Variants in DDC observed in about 807,000 individuals in gnomAD.
The protein encoded by DDC is dopa decarboxylase.
In DDC, 43 loss-of-function variants were observed where a neutral mutation model predicts 60.0. The observed-to-expected ratio is 0.72, with a 90% CI of 0.56 to 0.92. The LOEUF (loss-of-function observed/expected upper bound fraction) is 0.92, where lower values mean the gene tolerates loss of function less well. Among genes scored for constraint, DDC ranks in the 40% least tolerant of loss-of-function variants. The pLI, the probability that DDC is intolerant of heterozygous loss-of-function variation, is 0.00. For synonymous variants in DDC, 232 were observed against 234.6 expected (o/e 0.99, Z 0.10); for missense variants, 573 against 620.2 (o/e 0.92, Z 0.81).
intron 6 of DDC, among the ~76,000 whole-genome samples, chr7:50,512,527 C>T (rs1453836725): frequency 6.6e-6 from 1 of 152,216 alleles, no homozygotes; most frequent in Non-Finnish European, 1.5e-5. Context: ...ACCTACCCAT[C>T]CACCACCCCC....
At chr7:50,476,457 G>T (rs749635939) in intron 11 of DDC, among the ~76,000 whole-genome samples, 167 bp downstream of exon 11, 9 of 152,172 alleles carry the variant, frequency 5.9e-5, no homozygotes, top group African/African-American at 9.7e-5. Flanking sequence ...CAGCAGAGCT[G>T]CCCGCCACCT....
chr7:50,510,980 C>CAAA (rs11309882), intron 6 of DDC, among the ~76,000 whole-genome samples: 9 of 60,910 alleles, frequency 1.5e-4, no homozygotes, highest in Non-Finnish European at 1.7e-4. Flanking sequence ...GACTCTGTCT[C>CAAA]AAAAAAAAAA....
chr7:50,543,469 C>T (rs539832861), intron 2 of DDC: 1 of 315,944 alleles, frequency 3.2e-6, no homozygotes, highest in East Asian at 8.0e-5. Context: ...TCCACATATG[C>T]TAATTACCTA....
rs1238967031 is a variant in DDC at position 50,463,425 on chromosome 7, T to C, written c.1249A>G (p.Asn417Asp). 1 of 1,614,088 alleles carries C rather than the reference T, an allele frequency of 6.2e-7. No homozygotes were observed. The highest frequency in any genetic ancestry group is 1.1e-5 in the South Asian group (1 of 91,070). ...GLVCFRLKGS[N>D]KVNEALLQRI... Reference sequence around the variant, plus strand: ...TGCAGAAGAGCTTCATTCACTTTGTTGGAACCCTGGAGGGATTGAAAGAGA... The same window carrying C: ...TGCAGAAGAGCTTCATTCACTTTGTCGGAACCCTGGAGGGATTGAAAGAGA... Residue 417 changes from asparagine to aspartate, a missense_variant, in exon 14 of 15, where the codon AAC becomes GAC. Coordinates refer to ENST00000444124, the MANE Select transcript of DDC (RefSeq NM_001082971.2).
intron 6 of DDC, among the ~76,000 whole-genome samples, chr7:50,518,977 C>T (rs1483417884): frequency 6.6e-6 from 1 of 152,174 alleles, no homozygotes; most frequent in African/African-American, 2.4e-5. Flanking sequence ...AGGAAATCTT[C>T]ACAATCTATA....
At chr7:50,545,865 T>A (rs569590033) in intron 1 of DDC, among the ~76,000 whole-genome samples, 2 of 152,310 alleles carry the variant, frequency 1.3e-5, no homozygotes, top group East Asian at 1.9e-4. Context: ...GAAGCTTCTC[T>A]AACACATGTA....
chr7:50,518,489 T>C (rs1376946168), intron 6 of DDC, among the ~76,000 whole-genome samples: 3 of 152,170 alleles, frequency 2.0e-5, no homozygotes, highest in Non-Finnish European at 1.5e-5. Flanking sequence ...TTTCAAACTA[T>C]ACTATAAGGC....
At chr7:50,508,273 A>C (rs1476316525) in intron 6 of DDC, among the ~76,000 whole-genome samples, 1 of 152,244 alleles carries the variant, frequency 6.6e-6, no homozygotes. Context: ...ACTCCAGCTC[A>C]GCATTGCTCA....
intron 14 of DDC, among the ~76,000 whole-genome samples, chr7:50,462,254 T>G (rs892654534): frequency 2.7e-4 from 28 of 102,912 alleles, no homozygotes; most frequent in African/African-American, 6.6e-4. Flanking sequence ...AAAAAGAAAA[T>G]AAACAGAAAA....
intron 8 of DDC, among the ~76,000 whole-genome samples, chr7:50,498,790 A>G (rs1021722924): frequency 6.6e-6 from 1 of 152,234 alleles, no homozygotes; most frequent in Non-Finnish European, 1.5e-5. Context: ...GTCATATTGA[A>G]CCAGATTGTA....
intron 6 of DDC, among the ~76,000 whole-genome samples, chr7:50,522,831 TG>T (rs143932025): frequency 2.0e-5 from 3 of 152,178 alleles, no homozygotes; most frequent in Admixed American, 6.5e-5. Flanking sequence ...GAAGCATGGC[TG>T]GGGGGGCCTC....
rs550673864 is a variant in DDC at position 50,556,074 on chromosome 7, T to C, written c.-29+9211A>G. Among the ~76,000 whole-genome samples, 1,296 of 152,304 alleles carry C rather than the reference T, an allele frequency of 8.5e-3. 18 individuals are homozygous for C. Among genetic ancestry groups the C allele is most frequent in the African/African-American group, 0.029 (1,202 of 41,546 alleles). On this transcript the variant is annotated intron_variant, in intron 1 of 14. Coordinates refer to ENST00000444124, the MANE Select transcript of DDC (RefSeq NM_001082971.2). ...GGGCACCGCAGCTTCCACGGTGCCT[T>C]GTTTGCTTATAGATCATGTTCGTTA...
chr7:50,526,197 G>A (rs2044033126), intron 6 of DDC, among the ~76,000 whole-genome samples: 1 of 152,168 alleles, frequency 6.6e-6, no homozygotes, highest in African/African-American at 2.4e-5. Flanking sequence ...AGAAGGAAAT[G>A]TCATATTTTT....
At chr7:50,535,970 A>C (rs1444182008) in intron 4 of DDC, among the ~76,000 whole-genome samples, 1 of 152,200 alleles carries the variant, frequency 6.6e-6, no homozygotes, top group African/African-American at 2.4e-5. Flanking sequence ...TGAAAGGAAA[A>C]TAAATCTTGG....
intron 9 of DDC, among the ~76,000 whole-genome samples, chr7:50,488,772 A>G (rs1218090366): frequency 1.3e-5 from 2 of 152,180 alleles, no homozygotes; most frequent in Non-Finnish European, 2.9e-5. Flanking sequence ...GTACTGGTTT[A>G]TTCTTAATAA....
At chr7:50,540,403 G>A (rs887698682) in intron 2 of DDC, among the ~76,000 whole-genome samples, 3 of 152,070 alleles carry the variant, frequency 2.0e-5, no homozygotes, top group East Asian at 1.9e-4. Flanking sequence ...CAGTGAAGGC[G>A]CTGCCCCAAG....
chr7:50,518,418 C>T (rs1216099414), intron 6 of DDC, among the ~76,000 whole-genome samples: 3 of 151,964 alleles, frequency 2.0e-5, no homozygotes, highest in African/African-American at 4.8e-5. Context: ...CAAAAAAGAG[C>T]CAGCATAGTC....
intron 1 of DDC, among the ~76,000 whole-genome samples, chr7:50,562,166 G>A (rs2045355035): frequency 6.6e-6 from 1 of 152,216 alleles, no homozygotes; most frequent in Admixed American, 6.5e-5. Context: ...TGGGACAGAG[G>A]CAGCGGCCTT....
intron 10 of DDC, chr7:50,477,476 G>A: frequency 2.2e-6 from 1 of 454,528 alleles, no homozygotes; most frequent in Non-Finnish European, 4.4e-6. Flanking sequence ...CAGGGGCTGT[G>A]GCAGGGCCAT....
Sources: allele counts gnomAD v4.1 joint callset (sites outside exome capture counted in the v4.1 genomes callset), GRCh38; gene constraint gnomAD v4.1.1; transcripts MANE v1.5; gene names NCBI Gene and HGNC (gene_info 2026-07-23, HGNC 2026-07-21).